The following LMCD1 variants were observed in gnomAD, a reference collection of about 807,000 sequenced individuals.
The protein encoded by LMCD1 is LIM and cysteine rich domains 1.
In LMCD1, 32 loss-of-function variants were observed where a neutral mutation model predicts 42.7. The ratio of observed to expected loss-of-function variants is 0.75; its 90% CI spans 0.57 to 1.01. LMCD1 has a LOEUF of 1.01. Ranked by LOEUF, LMCD1 falls within the 50% of genes least tolerant of loss-of-function variation. The pLI, the probability that LMCD1 is intolerant of heterozygous loss-of-function variation, is 0.00. For missense variants in LMCD1, 458 were observed against 483.1 expected, an observed-to-expected ratio of 0.95 and a Z score of 0.49; for synonymous variants, 178 against 184.9, an observed-to-expected ratio of 0.96 and a Z score of 0.30.
chr3:8,543,211 G>A (rs535970357), intron 3 of LMCD1, among the ~76,000 whole-genome samples: 8 of 152,310 alleles, frequency 5.3e-5, no homozygotes, highest in Admixed American at 3.3e-4. Flanking sequence ...ACACCCTAAC[G>A]CATCTCTGCA....
At chr3:8,513,016 A>C (rs1305562938) in intron 1 of LMCD1, among the ~76,000 whole-genome samples, 2 of 152,222 alleles carry the variant, frequency 1.3e-5, no homozygotes, top group East Asian at 3.9e-4. Context: ...AGTTGCTGTC[A>C]GAATACCACT....
intron 1 of LMCD1, among the ~76,000 whole-genome samples, chr3:8,518,741 G>T (rs9877127): frequency 3.3e-5 from 5 of 152,270 alleles, no homozygotes; most frequent in Admixed American, 6.5e-5. Flanking sequence ...ACTATGAGTA[G>T]ATTCTAAGAA....
At chr3:8,530,438 C>G (rs1246143351) in intron 1 of LMCD1, among the ~76,000 whole-genome samples, 1 of 152,216 alleles carries the variant, frequency 6.6e-6, no homozygotes, top group Non-Finnish European at 1.5e-5. Flanking sequence ...TATTCTAAAT[C>G]AAACCCCGAG....
intron 4 of LMCD1, among the ~76,000 whole-genome samples, chr3:8,557,332 A>AAAC (rs1694945239): frequency 6.6e-6 from 1 of 152,248 alleles, no homozygotes; most frequent in Non-Finnish European, 1.5e-5. Context: ...TGCTGTTTAT[A>AAAC]AACAAATTGT....
chr3:8,532,294 G>T (rs1032879214), intron 1 of LMCD1, among the ~76,000 whole-genome samples: 1 of 152,198 alleles, frequency 6.6e-6, no homozygotes, highest in Non-Finnish European at 1.5e-5. Flanking sequence ...ACATTTGTTT[G>T]TGCCTGTAGC....
chr3:8,550,731 TC>T (rs201982160), intron 4 of LMCD1: 1 of 947,618 alleles, frequency 1.1e-6, no homozygotes, highest in Non-Finnish European at 1.3e-6. Flanking sequence ...ACTGGTCTTT[TC>T]CCGCCCCACC....
chr3:8,518,008 A>G (rs770599197), intron 1 of LMCD1, among the ~76,000 whole-genome samples: 1 of 152,048 alleles, frequency 6.6e-6, no homozygotes, highest in South Asian at 2.1e-4. Flanking sequence ...GATTCCTACA[A>G]CCACCTCATG....
intron 3 of LMCD1, among the ~76,000 whole-genome samples, chr3:8,548,293 AG>A (rs756752606): frequency 2.6e-5 from 4 of 152,130 alleles, no homozygotes; most frequent in Non-Finnish European, 5.9e-5. Flanking sequence ...TACATACACA[AG>A]GTAGCTAAGG....
chr3:8,554,857 G>T (rs564440617), intron 4 of LMCD1, among the ~76,000 whole-genome samples: 1 of 152,232 alleles, frequency 6.6e-6, no homozygotes, highest in East Asian at 1.9e-4. Context: ...TCCACACCCC[G>T]AACTTGTAAC....
intron 1 of LMCD1, among the ~76,000 whole-genome samples, chr3:8,511,043 A>G (rs1040956357): frequency 6.6e-6 from 1 of 152,192 alleles, no homozygotes; most frequent in Non-Finnish European, 1.5e-5. Context: ...ACTCAATTCA[A>G]ATTCCAACTC....
At chr3:8,519,552 T>A (rs972176801) in intron 1 of LMCD1, among the ~76,000 whole-genome samples, 2 of 152,114 alleles carry the variant, frequency 1.3e-5, no homozygotes, top group South Asian at 4.1e-4. Flanking sequence ...AAAACTGAGC[T>A]TAGAAAAATG....
rs957993525 is a variant in LMCD1 at position 8,567,511 on chromosome 3, T to A, written c.1011T>A (p.Gly337=). ...ACCGAAAGCACTTTGTCTGTGAGGG[T>A]TGTGAGCAGCTGCTGAGCGGCCGGG... ...AWHRKHFVCE[G]CEQLLSGRAY... The change falls in exon 6 of 6, where the codon GGT becomes GGA. Residue 337 remains glycine, a synonymous_variant. Coordinates refer to ENST00000157600, the MANE Select transcript of LMCD1 (RefSeq NM_014583.4). 3.7e-6 allele frequency: 6 copies of A among 1,613,476 alleles called. No individual in the cohort carries two copies. In the African/African-American group the frequency reaches 8.0e-5, roughly 22 times the overall value.
At chr3:8,526,711 C>T (rs1428632217) in intron 1 of LMCD1, among the ~76,000 whole-genome samples, 6 of 152,150 alleles carry the variant, frequency 3.9e-5, no homozygotes, top group Admixed American at 2.0e-4. Flanking sequence ...GCTTAGAGAC[C>T]ACACCTTGAG....
rs200121587 is a variant in LMCD1 at position 8,515,006 on chromosome 3, C to A, written c.42+13026C>A. ...GCATTTCGACCGCATGTAAGTTTTC[C>A]TTTGAAGTACTGTTAGATAATAATA... On this transcript the variant is annotated intron_variant, in intron 1 of 5. Transcript: ENST00000157600. The A allele has an allele frequency of 3.1e-4, 143 of 456,748 alleles. 1 individual carries two copies. The highest frequency in any genetic ancestry group is 9.7e-4 in the Middle Eastern group (3 of 3,078). The allele number at this position is 456,748 out of a possible 1,614,324, so 28.3% of individuals were successfully genotyped here. A position where few individuals can be genotyped will look rare whatever the true frequency, so the allele number is the denominator to read the frequency against.
intron 1 of LMCD1, among the ~76,000 whole-genome samples, chr3:8,525,360 ATTATTC>A (rs768047009): frequency 2.0e-4 from 31 of 152,204 alleles, no homozygotes; most frequent in Admixed American, 7.2e-4. Flanking sequence ...CATGAATGGC[ATTATTC>A]TTATTCCTTT....
In LMCD1 at chr3:8,567,895, G is replaced by A. The variant is rs547877687; in HGVS notation, c.*297G>A. 1.5e-4 allele frequency: 31 copies of A among 209,636 alleles called. No individual in the cohort carries two copies. In the East Asian group the frequency reaches 2.1e-3, roughly 14 times the overall value. The allele number at this position is 209,636 out of a possible 1,614,324, so 13.0% of individuals were successfully genotyped here. ...ACAACCAACTAAAGACACAAATGGCGTTCTGCAAGGGGACTCTGGGAGGAG... is the reference window on the plus strand; with the variant it reads ...ACAACCAACTAAAGACACAAATGGCATTCTGCAAGGGGACTCTGGGAGGAG... On this transcript the variant is annotated 3_prime_UTR_variant, in exon 6 of 6. Transcript: ENST00000157600.
At chr3:8,554,944 G>C (rs889034565) in intron 4 of LMCD1, among the ~76,000 whole-genome samples, 1 of 152,068 alleles carries the variant, frequency 6.6e-6, no homozygotes, top group Admixed American at 6.5e-5. Context: ...TTCCTGCCGG[G>C]CGCCTCCCCG....
At chr3:8,530,759 G>A (rs1384145261) in intron 1 of LMCD1, among the ~76,000 whole-genome samples, 1 of 152,232 alleles carries the variant, frequency 6.6e-6, no homozygotes, top group African/African-American at 2.4e-5. Context: ...AGGGGAGGTG[G>A]AAATGAGCAA....
chr3:8,502,052 A>G, intron 1 of LMCD1, 72 bp downstream of exon 1: 1 of 1,427,652 alleles, frequency 7.0e-7, no homozygotes, highest in South Asian at 1.2e-5. Flanking sequence ...TGTTCGCGGA[A>G]ACTTCCCAAA....
Sources: gnomAD v4.1 joint callset for allele counts (sites outside exome capture counted in the v4.1 genomes callset) on GRCh38, gnomAD v4.1.1 for gene constraint, MANE v1.5 for transcripts, NCBI Gene and HGNC (gene_info 2026-07-23, HGNC 2026-07-21) for gene names.